Variants in C1GALT1 observed in about 807,000 individuals in gnomAD.
C1GALT1 encodes the protein glycoprotein-N-acetylgalactosamine 3-beta-galactosyltransferase 1.
Under a neutral mutation model 31.0 loss-of-function variants are expected in C1GALT1, and 11 were observed. The observed-to-expected ratio is 0.36, with a 90% confidence interval of 0.22 to 0.59. The LOEUF is 0.59. Ranked by LOEUF, C1GALT1 falls within the 20% of genes least tolerant of loss-of-function variation. The pLI is 0.79. For synonymous variants in C1GALT1, 175 were observed against 143.6 expected (o/e 1.22, Z -1.56); for missense variants, 424 against 425.2 (o/e 1.00, Z 0.03).
intron 1 of C1GALT1, among the ~76,000 whole-genome samples, chr7:7,216,542 A>G (rs978662829): frequency 1.3e-5 from 2 of 152,112 alleles, no homozygotes; most frequent in African/African-American, 4.8e-5. Flanking sequence ...CTTTCGGGCA[A>G]GGCTCCTTTA....
At chr7:7,175,767 C>G (rs1780499101) in intron 2 of C1GALT1, among the ~76,000 whole-genome samples, 1 of 152,042 alleles carries the variant, frequency 6.6e-6, no homozygotes, top group African/African-American at 2.4e-5. Flanking sequence ...GCTAGCAAGT[C>G]CAAGATCCAC....
intron 1 of C1GALT1, among the ~76,000 whole-genome samples, chr7:7,232,315 T>A (rs923996885): frequency 4.6e-5 from 7 of 152,108 alleles, no homozygotes; most frequent in South Asian, 4.1e-4. Context: ...TTTGTTTTTA[T>A]TATTGTAGTG....
At position 7,182,771 on chromosome 7, in the gene C1GALT1, C is replaced by T. The variant is rs1780639689; in HGVS notation, c.-67C>T. The T allele has an allele frequency of 4.1e-6, 4 of 984,916 alleles. No individual in the cohort carries two copies. The highest frequency in any genetic ancestry group is 9.4e-5 in the South Asian group (2 of 21,282). 61.0% of individuals were successfully genotyped at this position (984,916 alleles called of 1,614,324 possible). On this transcript the variant is annotated 5_prime_UTR_variant, in exon 1 of 4. Coordinates refer to ENST00000436587, the MANE Select transcript of C1GALT1 (RefSeq NM_020156.5). ...CAAAGGTCACCAGTCCCAAGTCGTC[C>T]CCCTCTCCGCCCCCCAGGAGGGGCG...
At chr7:7,221,778 G>A (rs1782520094) in intron 1 of C1GALT1, among the ~76,000 whole-genome samples, 2 of 152,302 alleles carry the variant, frequency 1.3e-5, no homozygotes, top group Admixed American at 1.3e-4. Flanking sequence ...CCTTCCTGCT[G>A]TCAGACTCCT....
At chr7:7,183,675 C>G in intron 1 of C1GALT1, 1 of 821,412 alleles carries the variant, frequency 1.2e-6, no homozygotes, top group Non-Finnish European at 1.5e-6. Flanking sequence ...TCTCCCCACC[C>G]CCCACCACCC....
chr7:7,235,992 A>G (rs1159596715), intron 2 of C1GALT1, among the ~76,000 whole-genome samples: 1 of 152,098 alleles, frequency 6.6e-6, no homozygotes, highest in Non-Finnish European at 1.5e-5. Context: ...CCTTTTGGTG[A>G]ACTTATAACC....
At chr7:7,197,912 T>A (rs1277754089) in intron 1 of C1GALT1, among the ~76,000 whole-genome samples, 1 of 152,256 alleles carries the variant, frequency 6.6e-6, no homozygotes, top group East Asian at 1.9e-4. Context: ...TTGCTGAAGT[T>A]GCTTATCAGC....
chr7:7,180,737 G>C (rs1055781920), upstream of C1GALT1, among the ~76,000 whole-genome samples: 3 of 152,040 alleles, frequency 2.0e-5, no homozygotes, highest in African/African-American at 7.2e-5. Context: ...TAAAACAATA[G>C]TTATTAGCTG....
chr7:7,231,907 A>G (rs940372428), intron 1 of C1GALT1, among the ~76,000 whole-genome samples: 1 of 152,196 alleles, frequency 6.6e-6, no homozygotes, highest in Admixed American at 6.5e-5. Flanking sequence ...AGATGACTCT[A>G]ACGTAGACTT....
At chr7:7,180,351 T>C (rs750604930), upstream of C1GALT1, among the ~76,000 whole-genome samples, 12 of 152,366 alleles carry the variant, frequency 7.9e-5, no homozygotes, top group Non-Finnish European at 1.3e-4. Flanking sequence ...AATTGCACAA[T>C]TGTGCAAAAG....
At chr7:7,167,826 T>C (rs1435252254) in intron 2 of C1GALT1, among the ~76,000 whole-genome samples, 1 of 152,130 alleles carries the variant, frequency 6.6e-6, no homozygotes, top group Admixed American at 6.6e-5. Context: ...CCTACTCCTA[T>C]GAAGCAGCAA....
At chr7:7,205,198 T>G (rs1781686875) in intron 1 of C1GALT1, among the ~76,000 whole-genome samples, 1 of 152,154 alleles carries the variant, frequency 6.6e-6, no homozygotes, top group African/African-American at 2.4e-5. Flanking sequence ...TGTTATTAGG[T>G]ATGTAAGTGT....
intron 1 of C1GALT1, among the ~76,000 whole-genome samples, chr7:7,228,540 C>T (rs948441793): frequency 6.6e-6 from 1 of 151,772 alleles, no homozygotes; most frequent in Non-Finnish European, 1.5e-5. Context: ...TGATTTTTGC[C>T]AAAAATCTGA....
chr7:7,232,342 A>G (rs1314953192), intron 1 of C1GALT1, among the ~76,000 whole-genome samples: 2 of 152,186 alleles, frequency 1.3e-5, no homozygotes, highest in Admixed American at 1.3e-4. Context: ...GTTGGTTTGT[A>G]CTTTTGCTTT....
At chr7:7,217,880 T>A (rs1379878775) in intron 1 of C1GALT1, among the ~76,000 whole-genome samples, 1 of 152,094 alleles carries the variant, frequency 6.6e-6, no homozygotes, top group Non-Finnish European at 1.5e-5. Flanking sequence ...AGATACCGTT[T>A]GAGAAAAATC....
intron 1 of C1GALT1, among the ~76,000 whole-genome samples, chr7:7,229,496 T>C (rs1583820831): frequency 6.6e-6 from 1 of 152,150 alleles, no homozygotes; most frequent in South Asian, 2.1e-4. Flanking sequence ...CATACCTCTA[T>C]TGTAGATTGT....
intron 3 of C1GALT1, among the ~76,000 whole-genome samples, chr7:7,243,220 C>T (rs953169617): frequency 1.3e-5 from 2 of 152,098 alleles, no homozygotes; most frequent in African/African-American, 4.8e-5. Context: ...ATAGCTGCTC[C>T]TTTGATTTGA....
chr7:7,207,912 C>G (rs1781823945), intron 1 of C1GALT1, among the ~76,000 whole-genome samples: 2 of 151,780 alleles, frequency 1.3e-5, no homozygotes, highest in African/African-American at 4.8e-5. Context: ...TACAATAGTC[C>G]CTCTTTATCC....
intron 1 of C1GALT1, among the ~76,000 whole-genome samples, chr7:7,186,960 A>G (rs190526924): frequency 1.8e-4 from 27 of 152,302 alleles, no homozygotes; most frequent in Non-Finnish European, 2.9e-5. Flanking sequence ...CAAATGAGTG[A>G]TGTGATCTGA....
Sources: allele counts gnomAD v4.1 joint callset (sites outside exome capture counted in the v4.1 genomes callset), GRCh38; gene constraint gnomAD v4.1.1; transcripts MANE v1.5; gene names NCBI Gene and HGNC (gene_info 2026-07-23, HGNC 2026-07-21).